Variants in PLEKHM3 observed in about 807,000 individuals in gnomAD.
The protein encoded by PLEKHM3 is pleckstrin homology domain-containing family M member 3.
A neutral mutation model predicts 81.8 loss-of-function variants in PLEKHM3; 45 were observed. The observed-to-expected ratio is 0.55, with a 90% CI of 0.43 to 0.71. PLEKHM3 has a LOEUF of 0.71. Ranked by LOEUF, PLEKHM3 falls within the 30% of genes least tolerant of loss-of-function variation. PLEKHM3 has a pLI of 0.00. For missense variants in PLEKHM3, 788 were observed against 924.3 expected (o/e 0.85, Z 1.91); for synonymous variants, 352 against 356.4 (o/e 0.99, Z 0.14).
chr2:207,882,480 T>C lies in PLEKHM3; in HGVS notation c.1951-21218A>G, dbSNP rs147114555. Among the ~76,000 whole-genome samples, 40 of 152,008 alleles carry C rather than the reference T, an allele frequency of 2.6e-4. 2 individuals are homozygous for C. The East Asian group carries it at 7.8e-3, about 30-fold the overall frequency. ...TACAAAAATTAGCCGGGCATGGTCA[T>C]GGGTGCCTGTAATCGCAGTTACCCG... On this transcript the variant is annotated intron_variant, in intron 6 of 7. Transcript: ENST00000427836.
At chr2:208,011,784 A>AG (rs1692702849) in intron 1 of PLEKHM3, among the ~76,000 whole-genome samples, 1 of 126,224 alleles carries the variant, frequency 7.9e-6, no homozygotes, top group Non-Finnish European at 1.6e-5. Flanking sequence ...GCTCTGATAA[A>AG]CTTTTTTTTT....
chr2:207,898,963 G>A (rs1574384591), intron 6 of PLEKHM3, among the ~76,000 whole-genome samples: 1 of 152,158 alleles, frequency 6.6e-6, no homozygotes, highest in South Asian at 2.1e-4. Context: ...GGTTCACTAG[G>A]CTTTAGCCGG....
chr2:207,857,468 T>C (rs2092442640), intron 7 of PLEKHM3, among the ~76,000 whole-genome samples: 1 of 152,178 alleles, frequency 6.6e-6, no homozygotes, highest in Non-Finnish European at 1.5e-5. Context: ...CTTTCAATAT[T>C]CCATAGCATT....
At chr2:208,000,895 C>A in intron 2 of PLEKHM3, 135 bp downstream of exon 2, 1 of 822,974 alleles carries the variant, frequency 1.2e-6, no homozygotes, top group Non-Finnish European at 1.8e-6. Flanking sequence ...TTCTCATGAG[C>A]CAGATTAAGA....
chr2:207,995,346 C>T (rs1183780452), intron 2 of PLEKHM3, among the ~76,000 whole-genome samples: 1 of 152,126 alleles, frequency 6.6e-6, no homozygotes, highest in African/African-American at 2.4e-5. Flanking sequence ...TCAACTATAC[C>T]TATATTGGTT....
At chr2:208,023,914 G>T (rs10176955) in intron 1 of PLEKHM3, among the ~76,000 whole-genome samples, 3,282 of 152,002 alleles carry the variant, frequency 0.022, 121 homozygotes, top group African/African-American at 0.072. Context: ...TGCCAGGTAC[G>T]GTTCTAAGCC....
intron 4 of PLEKHM3, among the ~76,000 whole-genome samples, chr2:207,942,210 T>G (rs1689963418): frequency 6.6e-6 from 1 of 152,224 alleles, no homozygotes; most frequent in African/African-American, 2.4e-5. Flanking sequence ...AATGGGATAT[T>G]ATTCAGCCAT....
At chr2:207,942,280 G>A (rs1458736299) in intron 4 of PLEKHM3, among the ~76,000 whole-genome samples, 1 of 152,134 alleles carries the variant, frequency 6.6e-6, no homozygotes, top group Non-Finnish European at 1.5e-5. Flanking sequence ...GGCCGAGGTG[G>A]GAAGATTGCT....
At chr2:207,922,616 T>C (rs1291331007) in intron 5 of PLEKHM3, among the ~76,000 whole-genome samples, 6 of 151,864 alleles carry the variant, frequency 4.0e-5, no homozygotes, top group Admixed American at 3.9e-4. Flanking sequence ...ATCGAGACCA[T>C]CCTGGCTAAC....
intron 1 of PLEKHM3, among the ~76,000 whole-genome samples, chr2:208,006,299 A>T (rs1278309892): frequency 2.0e-5 from 3 of 152,230 alleles, no homozygotes; most frequent in Non-Finnish European, 4.4e-5. Flanking sequence ...AATTAATCAA[A>T]ATATAATAAA....
At chr2:207,904,856 A>G (rs920930013) in intron 6 of PLEKHM3, among the ~76,000 whole-genome samples, 6 of 152,242 alleles carry the variant, frequency 3.9e-5, no homozygotes, top group Non-Finnish European at 5.9e-5. Context: ...TGTTACTTAT[A>G]AACATAAAAC....
chr2:207,919,365 G>A lies in PLEKHM3; in HGVS notation c.1887-10788C>T, dbSNP rs548118042. Among the ~76,000 whole-genome samples, 23 of 152,232 alleles carry A rather than the reference G, an allele frequency of 1.5e-4. No individual in the cohort carries two copies. In the East Asian group the frequency reaches 4.4e-3, roughly 29 times the overall value. On this transcript the variant is annotated intron_variant, in intron 5 of 7. Coordinates refer to ENST00000427836, the MANE Select transcript of PLEKHM3 (RefSeq NM_001080475.3). The stretch of plus-strand genomic sequence containing the variant: ...TATGCCCTGGGCTTTTACTTGGAGC[G>A]AGAGGTGAAACTATCCGTTTGGGCC...
chr2:207,831,907 C>T (rs1379119804), intron 7 of PLEKHM3, among the ~76,000 whole-genome samples: 2 of 152,224 alleles, frequency 1.3e-5, no homozygotes, highest in Non-Finnish European at 2.9e-5. Flanking sequence ...TTCCTCCTTC[C>T]AGCCCCCTTT....
At chr2:207,931,905 G>A (rs368931333) in intron 4 of PLEKHM3, among the ~76,000 whole-genome samples, 1 of 152,214 alleles carries the variant, frequency 6.6e-6, no homozygotes, top group African/African-American at 2.4e-5. Flanking sequence ...CTCAGAAGGC[G>A]GGGGTTGCAG....
At position 207,996,320 on chromosome 2, in the gene PLEKHM3, C is replaced by A. The variant is rs960317392; in HGVS notation, c.610+4710G>T. Among the ~76,000 whole-genome samples the A allele has an allele frequency of 2.4e-4, 36 of 152,026 alleles. 1 individual carries two copies. Among genetic ancestry groups the A allele is most frequent in the Non-Finnish European group, 1.8e-4 (12 of 67,990 alleles). On this transcript the variant is annotated intron_variant, in intron 2 of 7. Coordinates refer to ENST00000427836, the MANE Select transcript of PLEKHM3 (RefSeq NM_001080475.3). ...GCTTCACAGAGAGGATGTGCAAATG[C>A]CAAATGGTGATGTGAAGGTGGAGAA...
intron 7 of PLEKHM3, among the ~76,000 whole-genome samples, chr2:207,850,805 C>T (rs2092408039): frequency 6.6e-6 from 1 of 152,054 alleles, no homozygotes; most frequent in South Asian, 2.1e-4. Context: ...CATTGTTTTC[C>T]CTTAAATCAT....
intron 1 of PLEKHM3, among the ~76,000 whole-genome samples, chr2:208,002,525 AC>A (rs982022719): frequency 1.3e-5 from 2 of 152,126 alleles, no homozygotes; most frequent in African/African-American, 4.8e-5. Context: ...TGGCATTCTT[AC>A]GGTTTCAGGC....
chr2:207,828,447 C>T lies in PLEKHM3; in HGVS notation c.2158G>A (p.Val720Ile). ...CGGCGAACACACCTCGGGCAGGGGA[C>T]AGACTTTTCTTTGCATTCAGAATGG... ...VFHSECKEKS[V>I]PCPRCVRREL... Residue 720 changes from valine to isoleucine, a missense_variant, in exon 8 of 8, where the codon GTC becomes ATC. Transcript: ENST00000427836. The T allele has an allele frequency of 1.2e-6, 2 of 1,614,076 alleles. No individual in the cohort carries two copies. Among genetic ancestry groups the T allele is most frequent in the Non-Finnish European group, 1.7e-6 (2 of 1,180,014 alleles).
chr2:207,852,708 G>A, intron 7 of PLEKHM3: 2 of 403,568 alleles, frequency 5.0e-6, no homozygotes, highest in Non-Finnish European at 9.6e-6. Flanking sequence ...GGGGAGGGAG[G>A]CAGGGAAAGG....
Sources: gnomAD v4.1 joint callset for allele counts (sites outside exome capture counted in the v4.1 genomes callset) on GRCh38, gnomAD v4.1.1 for gene constraint, MANE v1.5 for transcripts, NCBI Gene and HGNC (gene_info 2026-07-23, HGNC 2026-07-21) for gene names.